ARHGEF37: variants seen among roughly 807,000 people sequenced by gnomAD.
ARHGEF37 encodes the protein Rho guanine nucleotide exchange factor (GEF) 37.
In ARHGEF37, 55 loss-of-function variants were observed where a neutral mutation model predicts 71.1. The ratio of observed to expected loss-of-function variants is 0.77; its 90% confidence interval spans 0.62 to 0.97. The LOEUF (loss-of-function observed/expected upper bound fraction) is 0.97, where lower values mean the gene tolerates loss of function less well. Among genes scored for constraint, ARHGEF37 ranks in the 50% least tolerant of loss-of-function variants. The pLI is 0.00. For missense variants in ARHGEF37, 765 were observed against 836.8 expected (o/e 0.91, Z 1.06); for synonymous variants, 327 against 350.6 (o/e 0.93, Z 0.75).
chr5:149,628,738 T>C, intron 11 of ARHGEF37, 71 bp from the exon 12 acceptor site: 1 of 1,506,432 alleles, frequency 6.6e-7, no homozygotes, highest in African/African-American at 1.4e-5. Context: ...TTTATATCCA[T>C]GGATTTTCTC....
chr5:149,551,981 T>C (rs1434204815), exon 1 of ARHGEF37: 1 of 152,062 alleles, frequency 6.6e-6, no homozygotes, highest in African/African-American at 2.4e-5. Context: ...CCCTTCATAA[T>C]TAGAATTGTC....
chr5:149,586,217 T>A (rs550580768), intron 1 of ARHGEF37, among the ~76,000 whole-genome samples: 1 of 147,894 alleles, frequency 6.8e-6, no homozygotes, highest in Admixed American at 6.7e-5. Flanking sequence ...GATAGACTTG[T>A]CTGGGTTTCA....
At chr5:149,596,458 C>T (rs924301248) in intron 1 of ARHGEF37, among the ~76,000 whole-genome samples, 2 of 152,162 alleles carry the variant, frequency 1.3e-5, no homozygotes, top group African/African-American at 4.8e-5. Context: ...GTGTGCACCA[C>T]CACACCCGGC....
intron 3 of ARHGEF37, among the ~76,000 whole-genome samples, chr5:149,603,175 C>T (rs555780634): frequency 5.3e-5 from 8 of 152,202 alleles, no homozygotes; most frequent in South Asian, 2.1e-4. Flanking sequence ...TCAGGTGATC[C>T]GCCCACCTCA....
At chr5:149,556,521 G>A (rs1762759944) in intron 1 of ARHGEF37, among the ~76,000 whole-genome samples, 1 of 152,114 alleles carries the variant, frequency 6.6e-6, no homozygotes, top group African/African-American at 2.4e-5. Flanking sequence ...CCAAGTAGCT[G>A]GGATTACAGG....
In ARHGEF37 at chr5:149,600,958, G is replaced by A. The variant is rs1022300089; in HGVS notation, c.187-150G>A. The A allele has an allele frequency of 3.0e-5, 28 of 932,442 alleles. 1 individual carries two copies. Among genetic ancestry groups the A allele is most frequent in the South Asian group, 1.5e-4 (8 of 52,150 alleles). 57.8% of individuals were successfully genotyped at this position (932,442 alleles called of 1,614,324 possible). ...GGCCTGAAAATACCTAATTTATAAC[G>A]TTTCAAAATCCTTGCAAAATTCCAC... On this transcript the variant is annotated intron_variant, in intron 2 of 12. Coordinates refer to ENST00000333677, the MANE Select transcript of ARHGEF37 (RefSeq NM_001001669.3).
intron 4 of ARHGEF37, 21 bp from the exon 5 acceptor site, chr5:149,616,546 A>AATACCAGCCTT (rs1229588205): frequency 1.7e-5 from 27 of 1,590,492 alleles, no homozygotes; most frequent in Admixed American, 1.0e-4. Context: ...TTACCTGCCT[A>AATACCAGCCTT]ATACCAGCCT....
At chr5:149,581,005 G>A (rs2113260581), upstream of ARHGEF37, among the ~76,000 whole-genome samples, 1 of 152,308 alleles carries the variant, frequency 6.6e-6, no homozygotes, top group Admixed American at 6.5e-5. Flanking sequence ...TGAAAGAATG[G>A]ACCAACACCG....
chr5:149,623,041 C>A (rs1260618474), intron 9 of ARHGEF37, among the ~76,000 whole-genome samples: 1 of 152,198 alleles, frequency 6.6e-6, no homozygotes, highest in Non-Finnish European at 1.5e-5. Flanking sequence ...CTCCAGCACA[C>A]AGCTGCTGGA....
chr5:149,556,606 C>T (rs778235582), intron 1 of ARHGEF37, among the ~76,000 whole-genome samples: 11 of 152,114 alleles, frequency 7.2e-5, no homozygotes, highest in Non-Finnish European at 1.0e-4. Context: ...AGGCTGGTTT[C>T]AAACCTCTGA....
rs556322436 is a variant in ARHGEF37 at position 149,615,559 on chromosome 5, T to G, written c.459-1008T>G. ...TATGACTTTTTACCCCTAAATACTT[T>G]AAATAAATCTCTAAAAATTAAGTTC... On this transcript the variant is annotated intron_variant, in intron 4 of 12. Coordinates refer to ENST00000333677, the MANE Select transcript of ARHGEF37 (RefSeq NM_001001669.3). Among the ~76,000 whole-genome samples, 5 of 152,278 alleles carry G rather than the reference T, an allele frequency of 3.3e-5. No individual in the cohort carries two copies. In the South Asian group the frequency reaches 1.0e-3, roughly 32 times the overall value.
At chr5:149,625,977 G>C (rs1196556066) in intron 10 of ARHGEF37, among the ~76,000 whole-genome samples, 1 of 152,122 alleles carries the variant, frequency 6.6e-6, no homozygotes, top group Non-Finnish European at 1.5e-5. Context: ...GACACCACTG[G>C]CTCTTATACT....
At chr5:149,555,719 AACT>A in intron 1 of ARHGEF37, among the ~76,000 whole-genome samples, 1 of 152,210 alleles carries the variant, frequency 6.6e-6, no homozygotes, top group Non-Finnish European at 1.5e-5. Context: ...CTAGAGCCAC[AACT>A]ACTACCAAAA....
chr5:149,594,151 C>T (rs1366163040), intron 1 of ARHGEF37, among the ~76,000 whole-genome samples: 1 of 152,150 alleles, frequency 6.6e-6, no homozygotes, highest in Non-Finnish European at 1.5e-5. Context: ...ATAACACATG[C>T]TGCTACAGAG....
rs1032962786 is a variant in ARHGEF37 at position 149,599,422 on chromosome 5, G to C, written c.186+1467G>C. Among the ~76,000 whole-genome samples the C allele has an allele frequency of 9.7e-5, 5 of 51,320 alleles. No homozygotes were observed. The African/African-American group carries it at 9.9e-4, about 10-fold the overall frequency. The allele number at this position is 51,320 out of a possible 152,430, so 33.7% of individuals were successfully genotyped here. On this transcript the variant is annotated intron_variant, in intron 2 of 12. Coordinates refer to ENST00000333677, the MANE Select transcript of ARHGEF37 (RefSeq NM_001001669.3). ...GGCAAGGCTCGGCTCACCCAGGAAA[G>C]CCCAAGGCAAACTTATTTATTTATT...
At chr5:149,622,105 C>A (rs1196607702) in intron 9 of ARHGEF37, 43 bp downstream of exon 9, 1 of 1,526,668 alleles carries the variant, frequency 6.6e-7, no homozygotes, top group Admixed American at 2.0e-5. Flanking sequence ...AGTAGCCAGG[C>A]AAGGCCCTGC....
intron 1 of ARHGEF37, among the ~76,000 whole-genome samples, chr5:149,569,429 C>T (rs1418198264): frequency 6.6e-6 from 1 of 152,108 alleles, no homozygotes; most frequent in Non-Finnish European, 1.5e-5. Flanking sequence ...AAGCGATTCT[C>T]CTGCCTCAGC....
chr5:149,567,639 C>T (rs1472191531), intron 1 of ARHGEF37, among the ~76,000 whole-genome samples: 2 of 152,150 alleles, frequency 1.3e-5, no homozygotes, highest in Non-Finnish European at 2.9e-5. Flanking sequence ...TGGATTATAA[C>T]CTGTTAACGT....
upstream of ARHGEF37, among the ~76,000 whole-genome samples, chr5:149,578,951 C>T (rs1763057078): frequency 6.6e-6 from 1 of 152,180 alleles, no homozygotes; most frequent in Admixed American, 6.5e-5. Context: ...CTCAAAATAA[C>T]TGAGTCCTAA....
Sources: gnomAD v4.1 joint callset for allele counts (sites outside exome capture counted in the v4.1 genomes callset) on GRCh38, gnomAD v4.1.1 for gene constraint, MANE v1.5 for transcripts, NCBI Gene and HGNC (gene_info 2026-07-23, HGNC 2026-07-21) for gene names.